The following ADAMTSL1 variants were observed in gnomAD, a reference collection of about 807,000 sequenced individuals.
The protein encoded by ADAMTSL1 is ADAMTS-like protein 1.
In ADAMTSL1, 126 loss-of-function variants were observed where a neutral mutation model predicts 201.8. That is an observed-to-expected ratio of 0.62 (90% CI 0.54 to 0.72). The LOEUF is 0.72. ADAMTSL1 is among the 30% of genes least tolerant of loss of function. The pLI, the probability that ADAMTSL1 is intolerant of heterozygous loss-of-function variation, is 0.00. For missense variants in ADAMTSL1, 2,679 were observed against 2,277.8 expected (o/e 1.18, Z -3.59); for synonymous variants, 1,121 against 903.4 (o/e 1.24, Z -4.32).
At chr9:18,466,533 G>A (rs963560586) in intron 2 of ADAMTSL1, among the ~76,000 whole-genome samples, 1 of 152,132 alleles carries the variant, frequency 6.6e-6, no homozygotes, top group Admixed American at 6.6e-5. Context: ...ATAAGTATAT[G>A]AGGTAATGCA....
Position 18,016,504 on chromosome 9 carries a change from A to C in ADAMTSL1, c.87+109582A>C, listed in dbSNP as rs562019151. On this transcript the variant is annotated intron_variant, in intron 1 of 29. Transcript: ENST00000680146. ...CCTGTAAGTAAATATTTTCCCCAACATTTGCAAGATACCTGATTACAGAGA... is the reference window on the plus strand; with the variant it reads ...CCTGTAAGTAAATATTTTCCCCAACCTTTGCAAGATACCTGATTACAGAGA... 6.2e-4 allele frequency among the ~76,000 whole-genome samples: 94 copies of C among 152,040 alleles called. 1 individual carries two copies. The highest frequency in any genetic ancestry group is 9.9e-4 in the Non-Finnish European group (67 of 67,928).
chr9:18,642,971 T>C (rs1189874247), intron 7 of ADAMTSL1, among the ~76,000 whole-genome samples: 1 of 151,952 alleles, frequency 6.6e-6, no homozygotes, highest in Non-Finnish European at 1.5e-5. Context: ...GATCATATGG[T>C]AGTTCTGTTT....
At chr9:18,702,576 T>G (rs1831983533) in intron 13 of ADAMTSL1, among the ~76,000 whole-genome samples, 1 of 152,136 alleles carries the variant, frequency 6.6e-6, no homozygotes, top group Non-Finnish European at 1.5e-5. Flanking sequence ...AGCTTGCAAA[T>G]AGAAGGCCAG....
At chr9:18,244,232 G>A (rs1272982610) in intron 2 of ADAMTSL1, among the ~76,000 whole-genome samples, 1 of 152,000 alleles carries the variant, frequency 6.6e-6, no homozygotes, top group Non-Finnish European at 1.5e-5. Flanking sequence ...GAGTGTGGAA[G>A]AGAGAATGGC....
intron 17 of ADAMTSL1, among the ~76,000 whole-genome samples, chr9:18,772,470 A>G (rs772183720): frequency 5.9e-5 from 9 of 152,220 alleles, no homozygotes; most frequent in Non-Finnish European, 1.3e-4. Flanking sequence ...CCTTCAGAAC[A>G]GTATCATGTG....
chr9:18,210,182 C>T (rs1196112008), intron 2 of ADAMTSL1, among the ~76,000 whole-genome samples: 3 of 151,498 alleles, frequency 2.0e-5, no homozygotes. Context: ...GACTTTCCAG[C>T]TAATACTCCA....
chr9:18,568,742 C>T (rs59036622), intron 3 of ADAMTSL1, among the ~76,000 whole-genome samples: 42,580 of 139,620 alleles, frequency 0.3, 6,001 homozygotes, highest in Admixed American at 0.37. Context: ...TTTTTTTTTT[C>T]GGTTACTACA....
intron 1 of ADAMTSL1, among the ~76,000 whole-genome samples, chr9:18,053,980 C>T (rs577392069): frequency 7.9e-5 from 12 of 152,000 alleles, no homozygotes; most frequent in East Asian, 7.7e-4. Flanking sequence ...AGAGTGATGA[C>T]GTACTGCTTC....
intron 1 of ADAMTSL1, among the ~76,000 whole-genome samples, chr9:17,996,945 G>A (rs1194114810): frequency 1.3e-5 from 2 of 152,104 alleles, no homozygotes; most frequent in Non-Finnish European, 2.9e-5. Context: ...CACTTAACTG[G>A]AGATAACAGC....
intron 26 of ADAMTSL1, among the ~76,000 whole-genome samples, chr9:18,901,882 G>C (rs1830036497): frequency 6.6e-6 from 1 of 152,110 alleles, no homozygotes; most frequent in Non-Finnish European, 1.5e-5. Context: ...AAATAAAAAA[G>C]ACATGATTCA....
chr9:18,064,272 A>C (rs1292415270), intron 1 of ADAMTSL1, among the ~76,000 whole-genome samples: 1 of 152,052 alleles, frequency 6.6e-6, no homozygotes, highest in African/African-American at 2.4e-5. Context: ...GTCTGTAGGG[A>C]CATGCAGAGG....
At chr9:18,217,434 C>T (rs886171621) in intron 2 of ADAMTSL1, among the ~76,000 whole-genome samples, 1 of 152,104 alleles carries the variant, frequency 6.6e-6, no homozygotes, top group African/African-American at 2.4e-5. Context: ...TTTATTCCTC[C>T]CTTTCCTCCT....
At chr9:18,568,343 T>TAGGTGTG (rs1587592650) in intron 3 of ADAMTSL1, among the ~76,000 whole-genome samples, 1 of 152,322 alleles carries the variant, frequency 6.6e-6, no homozygotes, top group East Asian at 1.9e-4. Flanking sequence ...CAGCCCACCA[T>TAGGTGTG]CTACTTAGGT....
chr9:18,310,500 A>G (rs1375402831), intron 2 of ADAMTSL1, among the ~76,000 whole-genome samples: 8 of 152,030 alleles, frequency 5.3e-5, no homozygotes, highest in Non-Finnish European at 1.2e-4. Context: ...AGGAACTTAA[A>G]CAAATTTACA....
intron 2 of ADAMTSL1, among the ~76,000 whole-genome samples, chr9:18,463,663 T>C (rs920159910): frequency 6.6e-6 from 1 of 152,206 alleles, no homozygotes; most frequent in Admixed American, 6.5e-5. Flanking sequence ...TCATCCATGT[T>C]GTAACATGTG....
intron 1 of ADAMTSL1, among the ~76,000 whole-genome samples, chr9:17,986,970 A>T (rs1818953357): frequency 6.6e-6 from 1 of 152,140 alleles, no homozygotes; most frequent in African/African-American, 2.4e-5. Flanking sequence ...GTGTTTTATG[A>T]GTCAGATAAT....
intron 1 of ADAMTSL1, among the ~76,000 whole-genome samples, chr9:18,021,053 A>C (rs1456200307): frequency 6.6e-6 from 1 of 152,068 alleles, no homozygotes; most frequent in African/African-American, 2.4e-5. Flanking sequence ...TTAAAATGGA[A>C]ATACTTGGAC....
chr9:18,317,911 G>GTA (rs1413855296), intron 2 of ADAMTSL1, among the ~76,000 whole-genome samples: 2 of 152,196 alleles, frequency 1.3e-5, no homozygotes, highest in Non-Finnish European at 2.9e-5. Flanking sequence ...AGCTCTTTAA[G>GTA]AAGTAAGCAG....
rs778652754 is a variant in ADAMTSL1, at chr9:18,795,437, C to T, written c.3718C>T (p.Pro1240Ser). 9 of 1,613,790 alleles carry T rather than the reference C, an allele frequency of 5.6e-6. No individual in the cohort carries two copies. The highest frequency in any genetic ancestry group is 5.9e-6 in the Non-Finnish European group (7 of 1,179,838). Residue 1240 changes from proline to serine, a missense_variant, in exon 20 of 29, where the codon CCA becomes TCA. Physicochemically the swap from Pro to Ser is moderately conservative, Grantham distance 74. Transcript: ENST00000380548. ...AGATGATTCCTTACAGATCTTGGCA[C>T]CAGTGGAAGCAGATGTGGGTTTCTA... is the stretch of plus-strand genomic sequence containing the variant. ...QPDDSLQILA[P>S]VEADVGFYTC... is the part of the protein sequence containing the mutation.
Sources: allele counts gnomAD v4.1 joint callset (sites outside exome capture counted in the v4.1 genomes callset), GRCh38; gene constraint gnomAD v4.1.1; transcripts MANE v1.5; gene names NCBI Gene and HGNC (gene_info 2026-07-23, HGNC 2026-07-21).